Variants in C8orf76 observed in about 807,000 individuals in gnomAD.
C8orf76 encodes uncharacterized protein C8orf76.
C8orf76 carries 46 observed loss-of-function variants against 38.1 expected under a neutral mutation model. The observed-to-expected ratio is 1.21, with a 90% CI of 0.95 to 1.54. The LOEUF (loss-of-function observed/expected upper bound fraction) is 1.54. C8orf76 is among the 40% of genes most tolerant of loss of function. The pLI, the probability that C8orf76 is intolerant of heterozygous loss-of-function variation, is 0.00. For missense variants in C8orf76, 461 were observed against 441.6 expected, an observed-to-expected ratio of 1.04 and a Z score of -0.39; for synonymous variants, 166 against 167.5, an observed-to-expected ratio of 0.99 and a Z score of 0.07.
chr8:123,234,706 T>G (rs544611194), intron 3 of C8orf76, among the ~76,000 whole-genome samples: 1 of 147,154 alleles, frequency 6.8e-6, no homozygotes, highest in Admixed American at 6.8e-5. Context: ...GAGGCGGAGG[T>G]TGCAGTGAGC....
Position 123,231,483 on chromosome 8 carries a change from T to A in C8orf76, c.632A>T (p.Asp211Val). The A allele has an allele frequency of 1.9e-6, 3 of 1,614,230 alleles. No homozygotes were observed. The highest frequency in any genetic ancestry group is 2.5e-6 in the Non-Finnish European group (3 of 1,180,046). ...IKSFFPHSGK[D>V]CLLCFPETLP... The stretch of plus-strand genomic sequence containing the variant: ...GGTTTCAGGAAAACACAAAAGACAG[T>A]CTTTTCCTGAGTGTGGAAAGAAGGA... The change falls in exon 4 of 6, where the codon GAC becomes GTC. Residue 211 changes from aspartate (D) to valine (V), a missense_variant. Physicochemically the swap from Asp to Val is radical, Grantham distance 152. Coordinates refer to ENST00000276704, the MANE Select transcript of C8orf76 (RefSeq NM_032847.3).
chr8:123,223,539 C>CAG (rs1824943771), intron 5 of C8orf76, among the ~76,000 whole-genome samples: 1 of 152,130 alleles, frequency 6.6e-6, no homozygotes, highest in African/African-American at 2.4e-5. Context: ...ACCTGGAAGG[C>CAG]AGAGGCTGCA....
chr8:123,234,918 C>T (rs2131155915), intron 3 of C8orf76, among the ~76,000 whole-genome samples: 1 of 152,258 alleles, frequency 6.6e-6, no homozygotes. Context: ...GCCAAGATCG[C>T]ACCACTGCAC....
At chr8:123,226,406 A>G in intron 5 of C8orf76, 94 bp downstream of exon 5, 2 of 1,549,848 alleles carry the variant, frequency 1.3e-6, no homozygotes, top group Non-Finnish European at 1.7e-6. Context: ...CCTTCAGTAG[A>G]TTAAATTTGG....
At chr8:123,234,120 C>T (rs1291402714) in intron 3 of C8orf76, among the ~76,000 whole-genome samples, 2 of 151,956 alleles carry the variant, frequency 1.3e-5, no homozygotes, top group South Asian at 2.1e-4. Flanking sequence ...TGACAGTTAA[C>T]ATTTACTGAG....
At chr8:123,224,997 G>C (rs956576928) in intron 5 of C8orf76, among the ~76,000 whole-genome samples, 5 of 151,990 alleles carry the variant, frequency 3.3e-5, no homozygotes, top group Non-Finnish European at 7.4e-5. Context: ...AGACTGATCA[G>C]AAGTGTTTTT....
intron 3 of C8orf76, among the ~76,000 whole-genome samples, chr8:123,236,609 C>T (rs528860255): frequency 6.6e-6 from 1 of 152,084 alleles, no homozygotes; most frequent in South Asian, 2.1e-4. Flanking sequence ...CATGGTGAAA[C>T]CTCGTCTCTA....
chr8:123,231,400 C>T lies in C8orf76; in HGVS notation c.715G>A (p.Glu239Lys). 6.2e-7 allele frequency: 1 copy of T among 1,614,230 alleles called. No individual in the cohort carries two copies. The highest frequency in any genetic ancestry group is 8.5e-7 in the Non-Finnish European group (1 of 1,180,048). ...EANSSNSQKN[E>K]KALTNIQNCM... Reference sequence around the variant, plus strand: ...TTTTGGATATTTGTCAGAGCTTTCTCATTTTTCTGGCTATTACTGCTATTC... The same window carrying T: ...TTTTGGATATTTGTCAGAGCTTTCTTATTTTTCTGGCTATTACTGCTATTC... Residue 239 changes from glutamate to lysine, a missense_variant, in exon 4 of 6, where the codon GAG (glutamate) becomes AAG (lysine). Transcript: ENST00000276704.
chr8:123,240,974 G>A (rs1369392042), intron 1 of C8orf76, among the ~76,000 whole-genome samples: 2 of 152,210 alleles, frequency 1.3e-5, no homozygotes, highest in Non-Finnish European at 2.9e-5. Context: ...GAGACCAGCC[G>A]GCAGCAGCCA....
chr8:123,239,330 G>A, intron 1 of C8orf76, 186 bp from the exon 2 acceptor site: 1 of 552,870 alleles, frequency 1.8e-6, no homozygotes, highest in South Asian at 2.0e-5. Context: ...CTCCCAAAGT[G>A]CTGGGATTAC....
intron 5 of C8orf76, among the ~76,000 whole-genome samples, chr8:123,223,725 GTAGA>G (rs1316669800): frequency 8.5e-5 from 13 of 152,278 alleles, no homozygotes; most frequent in East Asian, 1.9e-4. Context: ...CAAAAGATGA[GTAGA>G]TAAACAAAAT....
intron 3 of C8orf76, among the ~76,000 whole-genome samples, chr8:123,234,507 C>T (rs539385909): frequency 6.6e-6 from 1 of 152,198 alleles, no homozygotes; most frequent in African/African-American, 2.4e-5. Context: ...ATTGGCTCAT[C>T]CCTATAATCC....
chr8:123,237,661 A>G, intron 3 of C8orf76, 137 bp downstream of exon 3: 1 of 1,227,790 alleles, frequency 8.1e-7, no homozygotes, highest in Non-Finnish European at 1.1e-6. Context: ...AAACTCTCAC[A>G]CCCCTGACAA....
At chr8:123,222,345 G>C (rs1824915199) in intron 5 of C8orf76, among the ~76,000 whole-genome samples, 1 of 152,134 alleles carries the variant, frequency 6.6e-6, no homozygotes, top group Non-Finnish European at 1.5e-5. Flanking sequence ...ATGATTTCCT[G>C]GATTCAGTGA....
chr8:123,234,190 G>A (rs1029696229), intron 3 of C8orf76, among the ~76,000 whole-genome samples: 2 of 152,126 alleles, frequency 1.3e-5, no homozygotes, highest in Admixed American at 1.3e-4. Context: ...TCCTGACAGT[G>A]CTTTAAAATA....
At position 123,231,711 on chromosome 8, in the gene C8orf76, A is replaced by C. The variant is rs775991570; in HGVS notation, c.404T>G (p.Leu135Arg). ...NTDHLTTVLY[L>R]QLAICSSLQN... ...CAAACTTGAACAAATAGCAAGCTGG[A>C]GGTAGAGTACCGTGGTTAAATGGTC... Residue 135 changes from leucine (L) to arginine (R), a missense_variant, in exon 4 of 6, where the codon CTC becomes CGC. Coordinates refer to ENST00000276704, the MANE Select transcript of C8orf76 (RefSeq NM_032847.3). 5 of 1,612,408 alleles carry C rather than the reference A, an allele frequency of 3.1e-6. No individual in the cohort carries two copies. The highest frequency in any genetic ancestry group is 4.2e-6 in the Non-Finnish European group (5 of 1,180,010).
chr8:123,222,015 G>C (rs995503838), intron 5 of C8orf76, among the ~76,000 whole-genome samples: 3 of 152,186 alleles, frequency 2.0e-5, no homozygotes, highest in African/African-American at 7.2e-5. Context: ...GGGGGTCAGA[G>C]TCTCACTCTG....
intron 2 of C8orf76, among the ~76,000 whole-genome samples, chr8:123,238,373 A>G (rs1310763169): frequency 6.6e-6 from 1 of 151,984 alleles, no homozygotes; most frequent in East Asian, 1.9e-4. Flanking sequence ...CTCCCCAGCC[A>G]TGTAGAACTG....
intron 3 of C8orf76, among the ~76,000 whole-genome samples, chr8:123,237,352 T>TA (rs1324243122): frequency 6.6e-6 from 1 of 152,098 alleles, no homozygotes; most frequent in Non-Finnish European, 1.5e-5. Context: ...AAATTCCACT[T>TA]AAAAATAAAA....
Sources: gnomAD v4.1 joint callset for allele counts (sites outside exome capture counted in the v4.1 genomes callset) on GRCh38, gnomAD v4.1.1 for gene constraint, MANE v1.5 for transcripts, NCBI Gene and HGNC (gene_info 2026-07-23, HGNC 2026-07-21) for gene names.